Variants in C8orf34 observed in about 807,000 individuals in gnomAD.
C8orf34 encodes chromosome 8 open reading frame 34.
A neutral mutation model predicts 68.3 loss-of-function variants in C8orf34; 65 were observed. That is an observed-to-expected ratio of 0.95 (90% CI 0.78 to 1.17). C8orf34 has a LOEUF of 1.17. C8orf34 is among the 50% of genes most tolerant of loss of function. The pLI, the probability that C8orf34 is intolerant of heterozygous loss-of-function variation, is 0.00. For synonymous variants in C8orf34, 244 were observed against 241.2 expected (o/e 1.01, Z -0.11); for missense variants, 664 against 655.4 (o/e 1.01, Z -0.14).
chr8:68,811,836 A>G (rs1824660104), intron 12 of C8orf34, among the ~76,000 whole-genome samples: 1 of 152,204 alleles, frequency 6.6e-6, no homozygotes, highest in East Asian at 1.9e-4. Context: ...TGATTTTACA[A>G]ACTCAGATTT....
intron 1 of C8orf34, among the ~76,000 whole-genome samples, chr8:68,352,333 T>C (rs1431356090): frequency 6.6e-6 from 1 of 152,126 alleles, no homozygotes; most frequent in Non-Finnish European, 1.5e-5. Context: ...ACGTGAAAAC[T>C]ATGTCTGATA....
chr8:68,380,837 C>A (rs975792810), intron 1 of C8orf34, among the ~76,000 whole-genome samples: 1 of 152,170 alleles, frequency 6.6e-6, no homozygotes, highest in Non-Finnish European at 1.5e-5. Flanking sequence ...ATCAAATTTA[C>A]CACACATTCA....
At chr8:68,414,931 A>G (rs747495432) in intron 1 of C8orf34, among the ~76,000 whole-genome samples, 44 of 152,132 alleles carry the variant, frequency 2.9e-4, no homozygotes, top group Non-Finnish European at 4.9e-4. Context: ...TCATGGCATC[A>G]CTGCCTGAGT....
At chr8:68,475,817 C>T (rs1351441221) in intron 4 of C8orf34, among the ~76,000 whole-genome samples, 6 of 152,178 alleles carry the variant, frequency 3.9e-5, no homozygotes, top group Admixed American at 2.0e-4. Context: ...CTTCTGACAG[C>T]TCCCTGTGAT....
At chr8:68,781,264 G>A (rs1368510280) in intron 11 of C8orf34, among the ~76,000 whole-genome samples, 1 of 152,092 alleles carries the variant, frequency 6.6e-6, no homozygotes, top group Non-Finnish European at 1.5e-5. Flanking sequence ...TCTTCATGTG[G>A]ATCAACAATG....
In C8orf34 at chr8:68,610,544, G is replaced by A. The variant is rs142473844; in HGVS notation, c.1106-29832G>A. On this transcript the variant is annotated intron_variant, in intron 7 of 13. Coordinates refer to ENST00000518698, the MANE Select transcript of C8orf34 (RefSeq NM_052958.4). Reference sequence around the variant, plus strand: ...TTTGAACTTAGATAATTAAAGACAGGCAAACTTTCATAAATTCTTGGCTTC... The same window carrying A: ...TTTGAACTTAGATAATTAAAGACAGACAAACTTTCATAAATTCTTGGCTTC... Among the ~76,000 whole-genome samples the A allele has an allele frequency of 9.2e-5, 14 of 152,200 alleles. No individual in the cohort carries two copies. The East Asian group carries it at 2.5e-3, about 27-fold the overall frequency.
intron 12 of C8orf34, among the ~76,000 whole-genome samples, chr8:68,800,604 A>G (rs1203492075): frequency 6.6e-6 from 1 of 152,192 alleles, no homozygotes; most frequent in Non-Finnish European, 1.5e-5. Flanking sequence ...GAAGTTCCAA[A>G]GTATACATGA....
intron 7 of C8orf34, among the ~76,000 whole-genome samples, chr8:68,560,702 T>G (rs1223743490): frequency 6.6e-6 from 1 of 152,080 alleles, no homozygotes; most frequent in Non-Finnish European, 1.5e-5. Context: ...CGTAGAAAAG[T>G]ACAGTAAAAA....
At chr8:68,767,741 G>A (rs1714769132) in intron 10 of C8orf34, among the ~76,000 whole-genome samples, 1 of 152,180 alleles carries the variant, frequency 6.6e-6, no homozygotes, top group African/African-American at 2.4e-5. Flanking sequence ...CTGGGCTCAA[G>A]CAATTCTCCC....
intron 7 of C8orf34, among the ~76,000 whole-genome samples, chr8:68,606,746 C>T (rs975229731): frequency 1.3e-5 from 2 of 151,708 alleles, no homozygotes; most frequent in African/African-American, 4.8e-5. Flanking sequence ...GGTGGGAGGG[C>T]AGAAAGGGAG....
chr8:68,335,913 C>G (rs954405027), intron 1 of C8orf34, among the ~76,000 whole-genome samples: 1 of 151,922 alleles, frequency 6.6e-6, no homozygotes, highest in Non-Finnish European at 1.5e-5. Flanking sequence ...ACAGTGAAAC[C>G]ACATCTCTAC....
intron 1 of C8orf34, among the ~76,000 whole-genome samples, chr8:68,424,213 G>C: frequency 6.6e-6 from 1 of 152,104 alleles, no homozygotes; most frequent in Non-Finnish European, 1.5e-5. Flanking sequence ...AGTTCCAACA[G>C]TACTAGAAAA....
chr8:68,357,846 C>T (rs1329060150), intron 1 of C8orf34, among the ~76,000 whole-genome samples: 3 of 152,144 alleles, frequency 2.0e-5, no homozygotes, highest in Non-Finnish European at 4.4e-5. Context: ...AAAATATTTA[C>T]GTAGATATTT....
At chr8:68,561,248 G>T in intron 7 of C8orf34, among the ~76,000 whole-genome samples, 1 of 151,878 alleles carries the variant, frequency 6.6e-6, no homozygotes, top group East Asian at 1.9e-4. Context: ...CTTCCAAAGT[G>T]CTAGGATTAC....
At chr8:68,615,274 C>G (rs1299701834) in intron 7 of C8orf34, among the ~76,000 whole-genome samples, 17 of 149,794 alleles carry the variant, frequency 1.1e-4, no homozygotes, top group Non-Finnish European at 1.8e-4. Context: ...AATTGAATAC[C>G]CTTTATTTCC....
chr8:68,482,928 G>A (rs1212220228), intron 4 of C8orf34, among the ~76,000 whole-genome samples: 1 of 151,952 alleles, frequency 6.6e-6, no homozygotes, highest in East Asian at 1.9e-4. Context: ...GTTGAAAAAA[G>A]GCTTAAAACA....
chr8:68,466,873 G>T (rs534165166), intron 3 of C8orf34, among the ~76,000 whole-genome samples: 110 of 151,048 alleles, frequency 7.3e-4, no homozygotes, highest in Middle Eastern at 3.4e-3. Context: ...TTTTAAAAAG[G>T]TGACAGAATG....
chr8:68,794,437 G>C (rs1256027775), intron 12 of C8orf34, among the ~76,000 whole-genome samples: 1 of 140,998 alleles, frequency 7.1e-6, no homozygotes, highest in Non-Finnish European at 1.5e-5. Flanking sequence ...CTCCCAAAGT[G>C]CTGGGATTAC....
At chr8:68,772,947 A>G (rs1248590750) in intron 10 of C8orf34, among the ~76,000 whole-genome samples, 1 of 142,984 alleles carries the variant, frequency 7.0e-6, no homozygotes, top group Non-Finnish European at 1.5e-5. Context: ...CCTCCTTCAC[A>G]TGCTCCTGTC....
Sources: allele counts gnomAD v4.1 joint callset (sites outside exome capture counted in the v4.1 genomes callset), GRCh38; gene constraint gnomAD v4.1.1; transcripts MANE v1.5; gene names NCBI Gene and HGNC (gene_info 2026-07-23, HGNC 2026-07-21).